Variants in DIP2C observed in about 807,000 individuals in gnomAD.
DIP2C encodes DIP2 acetate--CoA ligase C (putative).
A neutral mutation model predicts 192.4 loss-of-function variants in DIP2C; 33 were observed. The ratio of observed to expected loss-of-function variants is 0.17; its 90% CI spans 0.13 to 0.23. The LOEUF (loss-of-function observed/expected upper bound fraction) is 0.23. Ranked by LOEUF, DIP2C falls within the 10% of genes least tolerant of loss-of-function variation. DIP2C has a pLI of 1.00. For synonymous variants in DIP2C, 979 were observed against 864.1 expected (o/e 1.13, Z -2.33); for missense variants, 1,537 against 2,110.1 (o/e 0.73, Z 5.32).
intron 1 of DIP2C, among the ~76,000 whole-genome samples, chr10:609,555 A>C (rs1852920426): frequency 6.6e-6 from 1 of 152,208 alleles, no homozygotes; most frequent in South Asian, 2.1e-4. Flanking sequence ...AAAACAATGT[A>C]AGTCATCTCC....
At chr10:423,852 G>A (rs1023351529) in intron 4 of DIP2C, among the ~76,000 whole-genome samples, 26 of 152,276 alleles carry the variant, frequency 1.7e-4, no homozygotes, top group African/African-American at 5.3e-4. Flanking sequence ...CGGGGCACAC[G>A]ACAAACCTTC....
At chr10:361,101 A>C (rs1377626296) in intron 22 of DIP2C, among the ~76,000 whole-genome samples, 1 of 152,236 alleles carries the variant, frequency 6.6e-6, no homozygotes, top group Non-Finnish European at 1.5e-5. Context: ...ATTTGTTAAA[A>C]AGCTTTTTAA....
chr10:600,634 C>G (rs1006619014), intron 1 of DIP2C, among the ~76,000 whole-genome samples: 94 of 151,842 alleles, frequency 6.2e-4, no homozygotes, highest in African/African-American at 2.0e-3. Context: ...CTCAATGACC[C>G]GACAGCCCTT....
chr10:591,033 A>C (rs1177474804), intron 1 of DIP2C, among the ~76,000 whole-genome samples: 1 of 152,222 alleles, frequency 6.6e-6, no homozygotes, highest in African/African-American at 2.4e-5. Flanking sequence ...TCAACACTGC[A>C]AACACACATC....
intron 1 of DIP2C, among the ~76,000 whole-genome samples, chr10:595,615 A>G (rs1038554643): frequency 3.3e-5 from 4 of 122,804 alleles, no homozygotes; most frequent in African/African-American, 1.2e-4. Flanking sequence ...AACTTTTAAA[A>G]AGCTCCAGTT....
At chr10:601,056 C>A (rs1315922097) in intron 1 of DIP2C, among the ~76,000 whole-genome samples, 1 of 151,844 alleles carries the variant, frequency 6.6e-6, no homozygotes. Context: ...AGGGCTCTGG[C>A]GTACTCTGAA....
chr10:356,929 T>C (rs1005226449), intron 23 of DIP2C, among the ~76,000 whole-genome samples: 5 of 151,972 alleles, frequency 3.3e-5, no homozygotes, highest in Admixed American at 2.6e-4. Flanking sequence ...GAATCAGATC[T>C]ATCTGGTTTT....
rs377380348 is a variant in DIP2C at position 422,885 on chromosome 10, C to G, written c.543G>C (p.Thr181=). ...GGGCAGCCCCGCTGCCCCCGCTCTG[C>G]GTAGAGGACGAGGAGGTGGTGGACG... The part of the protein sequence containing the change: ...STTSTTSSSS[T]QSGGSGAAHR... The change falls in exon 5 of 37, where the codon ACG becomes ACC. Residue 181 remains threonine (T), a synonymous_variant. Transcript: ENST00000280886. 6.2e-7 allele frequency: 1 copy of G among 1,613,612 alleles called. No homozygotes were observed. Among genetic ancestry groups the G allele is most frequent in the Non-Finnish European group, 8.5e-7 (1 of 1,180,038 alleles).
At chr10:674,771 A>AATATATATATATAAT (rs1830800457) in intron 1 of DIP2C, among the ~76,000 whole-genome samples, 1 of 27,702 alleles carries the variant, frequency 3.6e-5, no homozygotes, top group Non-Finnish European at 5.9e-5. Context: ...CTCCATCTCA[A>AATATATATATATAAT]ATATATATAT....
chr10:493,094 C>T (rs973138904), intron 1 of DIP2C, among the ~76,000 whole-genome samples: 3 of 152,256 alleles, frequency 2.0e-5, no homozygotes, highest in African/African-American at 4.8e-5. Context: ...CACCCCCTCC[C>T]TTCCAGTCCC....
At position 486,675 on chromosome 10, in the gene DIP2C, AACTTC is replaced by A. The variant is rs528612490; in HGVS notation, c.86-150_86-146del. On this transcript the variant is annotated intron_variant, in intron 1 of 36. Transcript: ENST00000280886. The stretch of plus-strand genomic sequence containing the variant: ...TAAAAGCAAGCACTGCACATCAAAC[AACTTC>A]AGTTCCTCCCCTGCTCTCGAACAAA... 2.0e-4 allele frequency: 115 copies of A among 577,288 alleles called. 2 individuals are homozygous for A. The South Asian group carries it at 3.2e-3, about 16-fold the overall frequency. The allele number at this position is 577,288 out of a possible 1,614,324, so 35.8% of individuals were successfully genotyped here.
intron 1 of DIP2C, among the ~76,000 whole-genome samples, chr10:619,528 A>AGCCAGCCC (rs1491241366): frequency 1.2e-4 from 16 of 129,786 alleles, no homozygotes; most frequent in Non-Finnish European, 1.9e-4. Context: ...GCCAGGACCA[A>AGCCAGCCC]GCCCGCCCGC....
chr10:656,666 G>A (rs912821900), intron 1 of DIP2C, among the ~76,000 whole-genome samples: 13 of 152,108 alleles, frequency 8.5e-5, no homozygotes, highest in South Asian at 2.1e-4. Context: ...GTGAGGTCCC[G>A]ATAAGATCCT....
At chr10:468,469 A>G (rs950808029) in intron 3 of DIP2C, among the ~76,000 whole-genome samples, 3 of 152,128 alleles carry the variant, frequency 2.0e-5, no homozygotes, top group Non-Finnish European at 2.9e-5. Context: ...ATTGATTAAA[A>G]CAAAGATGAG....
intron 26 of DIP2C, among the ~76,000 whole-genome samples, chr10:348,006 C>G (rs565724611): frequency 7.5e-6 from 1 of 132,632 alleles, no homozygotes; most frequent in Non-Finnish European, 1.6e-5. Context: ...ATAGCTCTCC[C>G]GGAAACCCCA....
chr10:559,910 G>A (rs932716555), intron 1 of DIP2C, among the ~76,000 whole-genome samples: 1 of 152,134 alleles, frequency 6.6e-6, no homozygotes, highest in Non-Finnish European at 1.5e-5. Context: ...AACAGACACA[G>A]GAATTCAGGG....
intron 1 of DIP2C, among the ~76,000 whole-genome samples, chr10:598,313 G>A (rs1219662063): frequency 3.3e-5 from 5 of 152,268 alleles, no homozygotes; most frequent in East Asian, 3.9e-4. Context: ...CCCGAGGGCA[G>A]CTGCGATCAC....
chr10:411,266 C>T (rs1965167010), intron 8 of DIP2C, among the ~76,000 whole-genome samples: 1 of 152,202 alleles, frequency 6.6e-6, no homozygotes, highest in African/African-American at 2.4e-5. Context: ...TAGGTCTCTC[C>T]AGAAATCCAC....
rs145650735 is a variant in DIP2C, at chr10:651,457, A to T, written c.85+38037T>A. On this transcript the variant is annotated intron_variant, in intron 1 of 36. Transcript: ENST00000280886. The surrounding 1 kb of genome is among the most constrained non-coding windows in gnomAD (Gnocchi z 4.1). ...AGTCGTTAAGTAAAAATAGCAGAAG[A>T]CTTAGTAGAATGTATGAGTAACAAT... 2.8e-3 allele frequency: 1,884 copies of T among 663,426 alleles called. 7 individuals are homozygous for T. Among genetic ancestry groups the T allele is most frequent in the Non-Finnish European group, 3.8e-3 (1,387 of 360,584 alleles). The allele number at this position is 663,426 out of a possible 1,614,324, so 41.1% of individuals were successfully genotyped here.
Sources: allele counts gnomAD v4.1 joint callset (sites outside exome capture counted in the v4.1 genomes callset), GRCh38; gene constraint gnomAD v4.1.1; non-coding constraint Gnocchi (gnomAD v3.1); transcripts MANE v1.5; gene names NCBI Gene and HGNC (gene_info 2026-07-23, HGNC 2026-07-21).